Variants in ANKZF1 observed in about 807,000 individuals in gnomAD.
The protein encoded by ANKZF1 is tRNA endonuclease ANKZF1.
ANKZF1 carries 84 observed loss-of-function variants against 86.0 expected under a neutral mutation model. The observed-to-expected ratio is 0.98, with a 90% CI of 0.82 to 1.17. The LOEUF (loss-of-function observed/expected upper bound fraction) is 1.17, where lower values mean the gene tolerates loss of function less well. Among genes scored for constraint, ANKZF1 ranks in the 50% most tolerant of loss-of-function variants. The pLI, the probability that ANKZF1 is intolerant of heterozygous loss-of-function variation, is 0.00. For missense variants in ANKZF1, 893 were observed against 918.4 expected (o/e 0.97, Z 0.36); for synonymous variants, 331 against 354.2 (o/e 0.93, Z 0.74).
Position 219,233,908 on chromosome 2 carries a change from G to A in ANKZF1, c.1013G>A (p.Arg338His), listed in dbSNP as rs767427833. ...TRRPTFQELQ[R>H]VLHKLTTLHV... ...AGACCCACCTTCCAAGAGCTACAGC[G>A]TGTGCTCCATAAGCTGACCACTTTG... Residue 338 changes from arginine to histidine, a missense_variant, in exon 8 of 14, where the codon CGT (arginine) becomes CAT (histidine). By Grantham distance (29) the Arg-to-His change is conservative. Coordinates refer to ENST00000323348, the MANE Select transcript of ANKZF1 (RefSeq NM_018089.3). 2.8e-5 allele frequency: 45 copies of A among 1,602,116 alleles called. No individual in the cohort carries two copies. In the Middle Eastern group the frequency reaches 6.7e-4, roughly 24 times the overall value.
At position 219,235,597 on chromosome 2, in the gene ANKZF1, T is replaced by C; in HGVS notation, c.1803+12T>C. ...ACAACAAGGCTCAGGTCATCTGGAA[T>C]AGGAAGGACAAGCAGAGTGGGAAGG... On this transcript the variant is annotated intron_variant, in intron 11 of 13. Transcript: ENST00000323348. 6.2e-7 allele frequency: 1 copy of C among 1,613,844 alleles called. No homozygotes were observed. The highest frequency in any genetic ancestry group is 8.5e-7 in the Non-Finnish European group (1 of 1,179,898).
Position 219,234,832 on chromosome 2 carries a change from G to T in ANKZF1, c.1211G>T (p.Gly404Val), listed in dbSNP as rs1243886821. Residue 404 changes from glycine (G) to valine (V), a missense_variant, in exon 10 of 14, where the codon GGG becomes GTG. Physicochemically the swap from Gly to Val is moderately radical, Grantham distance 109. Coordinates refer to ENST00000323348, the MANE Select transcript of ANKZF1 (RefSeq NM_018089.3). ...ATGTCAGGTTTTTCCCTAGGTTCAG[G>T]GTCGGAGGGAGAAGATGGCTTTCAG... ...QNEESPKQGS[G>V]SEGEDGFQVE... 6.2e-7 allele frequency: 1 copy of T among 1,609,794 alleles called. No individual in the cohort carries two copies. Among genetic ancestry groups the T allele is most frequent in the East Asian group, 2.2e-5 (1 of 44,820 alleles).
In ANKZF1 at chr2:219,232,470, C is replaced by A; in HGVS notation, c.365-20C>A. On this transcript the variant is annotated intron_variant, in intron 4 of 13. Transcript: ENST00000323348. ...AAAATGGGGTACCAAACTTGTGTAT[C>A]TCATATTGTCTGTCTTCAGGAGATC... The A allele has an allele frequency of 1.2e-6, 2 of 1,613,260 alleles. No individual in the cohort carries two copies. The highest frequency in any genetic ancestry group is 1.7e-6 in the Non-Finnish European group (2 of 1,179,462).
At chr2:219,235,983 G>A in intron 12 of ANKZF1, 27 bp from the exon 13 acceptor site, 1 of 1,614,168 alleles carries the variant, frequency 6.2e-7, no homozygotes. Context: ...CTGGGGCCTT[G>A]TCCTTAACAC....
At chr2:219,233,239 C>T (rs777848938) in intron 6 of ANKZF1, 47 bp from the exon 7 acceptor site, 1 of 1,614,182 alleles carries the variant, frequency 6.2e-7, no homozygotes, top group African/African-American at 1.3e-5. Context: ...TCCTGTTAGC[C>T]AGGGAGCACC....
In ANKZF1 at chr2:219,234,058, T is replaced by G. The variant is rs73077095; in HGVS notation, c.1049-75T>G. 9.8e-4 allele frequency: 1,533 copies of G among 1,560,304 alleles called. 15 individuals are homozygous for G. In the African/African-American group the frequency reaches 0.019, roughly 19 times the overall value. On this transcript the variant is annotated intron_variant, in intron 8 of 13. Transcript: ENST00000323348. Reference sequence around the variant, plus strand: ...TCTAAGCCTTGGACTGCAGCCCAGCTACATCTGCATTGAGAGAAACCTGCG... The same window carrying G: ...TCTAAGCCTTGGACTGCAGCCCAGCGACATCTGCATTGAGAGAAACCTGCG...
Position 219,235,155 on chromosome 2 carries a change from C to T in ANKZF1, c.1534C>T (p.Leu512=). 1.2e-6 allele frequency: 2 copies of T among 1,614,230 alleles called. No homozygotes were observed. Among genetic ancestry groups the T allele is most frequent in the South Asian group, 2.2e-5 (2 of 91,092 alleles). Residue 512 remains leucine, a synonymous_variant, in exon 10 of 14, where the codon CTG becomes TTG. Transcript: ENST00000323348. ...AGCTGGAGATGTTGGAGTGCTAAAG[C>T]TGCAGCTAGCTCCCAGCCCTGCAGA... The part of the protein sequence containing the change: ...CRAGDVGVLK[L]QLAPSPADPR...
rs781022567 is a variant in ANKZF1, at chr2:219,235,673, A to G, written c.1804-35A>G. 40 of 1,611,470 alleles carry G rather than the reference A, an allele frequency of 2.5e-5. No individual in the cohort carries two copies. In the Admixed American group the frequency reaches 3.7e-4, roughly 15 times the overall value. ...TCTACTTCTTGCAGTTTTACCAAAG[A>G]TAACTTATAGGGTCTTATATTTGAA... On this transcript the variant is annotated intron_variant, in intron 11 of 13. Transcript: ENST00000323348.
chr2:219,230,645 C>T, intron 2 of ANKZF1: 2 of 400,368 alleles, frequency 5.0e-6, no homozygotes, highest in Admixed American at 4.5e-5. Flanking sequence ...ACACTTTAAA[C>T]TTTGTAGAGA....
intron 8 of ANKZF1, 71 bp downstream of exon 8, chr2:219,234,014 T>A: frequency 6.6e-7 from 1 of 1,526,026 alleles, no homozygotes; most frequent in South Asian, 1.3e-5. Context: ...CCATTCTCAT[T>A]GGTATATCCA....
chr2:219,235,887 G>A lies in ANKZF1; in HGVS notation c.1971+12G>A. 1.2e-6 allele frequency: 2 copies of A among 1,614,070 alleles called. No individual in the cohort carries two copies. Among genetic ancestry groups the A allele is most frequent in the Non-Finnish European group, 1.7e-6 (2 of 1,179,914 alleles). ...GTGACCGAGAGAAGGTGAGGCTGGA[G>A]GTTCTCTTGTCCATGGCAAGGCTTC... On this transcript the variant is annotated intron_variant, in intron 12 of 13. Coordinates refer to ENST00000323348, the MANE Select transcript of ANKZF1 (RefSeq NM_018089.3).
rs760434575 is a variant in ANKZF1 at position 219,234,123 on chromosome 2, T to C, written c.1049-10T>C. ...GCTAAGGTTGAGAAAGATCTTTTCT[T>C]TTATGGCAGAAGAAGACCCTCGGGA... is the stretch of plus-strand genomic sequence containing the variant. On this transcript the variant is annotated splice_polypyrimidine_tract_variant and intron_variant, in intron 8 of 13. Transcript: ENST00000323348. 1.9e-6 allele frequency: 3 copies of C among 1,604,378 alleles called. No individual in the cohort carries two copies. Among genetic ancestry groups the C allele is most frequent in the African/African-American group, 1.4e-5 (1 of 73,958 alleles).
rs1161503432 is a variant in ANKZF1, at chr2:219,231,791, G to A, written c.149-137G>A. 4 of 684,416 alleles carry A rather than the reference G, an allele frequency of 5.8e-6. No individual in the cohort carries two copies. In the Admixed American group the frequency reaches 7.3e-5, roughly 12 times the overall value. The allele number at this position is 684,416 out of a possible 1,614,324, so 42.4% of individuals were successfully genotyped here. ...TACTGTTTATTTCATGACTATTAGA[G>A]TGTAAATTCCTTGAAGGCAGTATCA... On this transcript the variant is annotated intron_variant, in intron 2 of 13. Transcript: ENST00000323348.
At chr2:219,234,360 T>G in intron 9 of ANKZF1, 72 bp downstream of exon 9, 1 of 1,591,064 alleles carries the variant, frequency 6.3e-7, no homozygotes, top group Non-Finnish European at 8.6e-7. Flanking sequence ...TTCCCTACTC[T>G]CATAACTGAC....
Position 219,235,129 on chromosome 2 carries a change from G to A in ANKZF1, c.1508G>A (p.Arg503Gln), listed in dbSNP as rs376658598. 2.8e-5 allele frequency: 45 copies of A among 1,614,022 alleles called. No homozygotes were observed. The highest frequency in any genetic ancestry group is 4.0e-5 in the African/African-American group (3 of 74,914). ...ELWNALLAAC[R>Q]AGDVGVLKLQ... ...TGGAATGCACTGCTTGCTGCTTGCC[G>A]AGCTGGAGATGTTGGAGTGCTAAAG... is the stretch of plus-strand genomic sequence containing the variant. Residue 503 changes from arginine (R) to glutamine (Q), a missense_variant, in exon 10 of 14, where the codon CGA (arginine) becomes CAA (glutamine). Arg to Gln is a conservative substitution (Grantham distance 43). Transcript: ENST00000323348.
Position 219,236,080 on chromosome 2 carries a change from C to T in ANKZF1, c.2042C>T (p.Ala681Val), listed in dbSNP as rs1171222005. 4 of 1,614,190 alleles carry T rather than the reference C, an allele frequency of 2.5e-6. No individual in the cohort carries two copies. The highest frequency in any genetic ancestry group is 2.2e-5 in the East Asian group (1 of 44,880). The change falls in exon 13 of 14, where the codon GCA becomes GTA. Residue 681 changes from alanine (A) to valine (V), a missense_variant. Ala to Val is a moderately conservative substitution (Grantham distance 64, BLOSUM62 0). Coordinates refer to ENST00000323348, the MANE Select transcript of ANKZF1 (RefSeq NM_018089.3). Reference protein sequence around the residue: ...GAPTSPIPDSAIVNTRRCWSC... With the variant: ...GAPTSPIPDSVIVNTRRCWSC... ...CCTACCTCTCCAATCCCTGACTCTG[C>T]AATCGTCAATACTCGGTATGGGGTG...
At chr2:219,232,795 G>T in intron 5 of ANKZF1, 112 bp downstream of exon 5, 1 of 1,204,850 alleles carries the variant, frequency 8.3e-7, no homozygotes, top group Non-Finnish European at 1.2e-6. Flanking sequence ...GTTGGTTGTG[G>T]GTATCACGCT....
chr2:219,234,578 C>T, intron 9 of ANKZF1: 1 of 653,880 alleles, frequency 1.5e-6, no homozygotes, highest in Non-Finnish European at 2.6e-6. Context: ...AGGCTGAGGG[C>T]TGCTTCCATG....
chr2:219,230,321 G>C lies in ANKZF1; in HGVS notation c.64G>C (p.Asp22His). The C allele has an allele frequency of 6.2e-7, 1 of 1,614,160 alleles. No homozygotes were observed. Among genetic ancestry groups the C allele is most frequent in the Non-Finnish European group, 8.5e-7 (1 of 1,180,010 alleles). The change falls in exon 2 of 14, where the codon GAT becomes CAT. Residue 22 changes from aspartate to histidine, a missense_variant. Transcript: ENST00000323348. Reference sequence around the variant, plus strand: ...GATCTCCCTGTTTGACCTCAGCGCGGATGCTCCGGTCTTTCAGGGCCTGAG... The same window carrying C: ...GATCTCCCTGTTTGACCTCAGCGCGCATGCTCCGGTCTTTCAGGGCCTGAG... ...ASISLFDLSA[D>H]APVFQGLSLV...
Sources: gnomAD v4.1 joint callset for allele counts on GRCh38, gnomAD v4.1.1 for gene constraint, MANE v1.5 for transcripts, NCBI Gene and HGNC (gene_info 2026-07-23, HGNC 2026-07-21) for gene names.